RAMP3: variants seen among roughly 807,000 people sequenced by gnomAD.
The protein encoded by RAMP3 is receptor activity modifying protein 3.
In RAMP3, 14 loss-of-function variants were observed where a neutral mutation model predicts 13.5. The ratio of observed to expected loss-of-function variants is 1.04; its 90% CI spans 0.69 to 1.63. The LOEUF (loss-of-function observed/expected upper bound fraction) is 1.63. RAMP3 is among the 40% of genes most tolerant of loss of function. RAMP3 has a pLI of 0.00. For synonymous variants in RAMP3, 106 were observed against 88.3 expected (o/e 1.20, Z -1.12); for missense variants, 200 against 204.8 (o/e 0.98, Z 0.14).
intron 1 of RAMP3, among the ~76,000 whole-genome samples, chr7:45,171,280 T>A (rs1047512899): frequency 3.3e-5 from 5 of 151,986 alleles, no homozygotes; most frequent in Non-Finnish European, 5.9e-5. Flanking sequence ...CTCAGCCTCC[T>A]GAGTAGCTGG....
In RAMP3 at chr7:45,183,391, A is replaced by G. The variant is rs1256345509; in HGVS notation, c.426A>G (p.Lys142=). The G allele has an allele frequency of 6.2e-7, 1 of 1,612,798 alleles. No homozygotes were observed. Among genetic ancestry groups the G allele is most frequent in the African/African-American group, 1.3e-5 (1 of 75,046 alleles). ...AMAGLVVWRS[K]RTDTLL is the part of the protein sequence containing the mutation. Reference sequence around the variant, plus strand: ...CTGGCCTGGTGGTGTGGCGCAGCAAACGCACCGACACGCTGCTGTGAGGGT... The same window carrying G: ...CTGGCCTGGTGGTGTGGCGCAGCAAGCGCACCGACACGCTGCTGTGAGGGT... Residue 142 remains lysine, a synonymous_variant, in exon 3 of 3, where the codon AAA becomes AAG. Transcript: ENST00000242249.
chr7:45,180,355 C>T lies in RAMP3; in HGVS notation c.192-2802C>T, dbSNP rs1318215448. Among the ~76,000 whole-genome samples, 4 of 152,236 alleles carry T rather than the reference C, an allele frequency of 2.6e-5. No individual in the cohort carries two copies. In the East Asian group the frequency reaches 5.8e-4, roughly 22 times the overall value. ...AATGAAGGACACTCCTTTCTTTCCC[C>T]TGAATGTTCATTCTGCTTTGGTCCC... On this transcript the variant is annotated intron_variant, in intron 2 of 2. Coordinates refer to ENST00000242249, the MANE Select transcript of RAMP3 (RefSeq NM_005856.3).
chr7:45,163,717 GA>G, intron 1 of RAMP3: 2 of 985,250 alleles, frequency 2.0e-6, no homozygotes, highest in Non-Finnish European at 2.4e-6. Context: ...CAAAGGACCA[GA>G]AAGGTGAAGG....
rs1786348861 is a variant in RAMP3 at position 45,183,052 on chromosome 7, A to T, written c.192-105A>T. On this transcript the variant is annotated intron_variant, in intron 2 of 2. Transcript: ENST00000242249. ...GGCTGGGCTGTGAATAGGTGGCCAA[A>T]TGGGACTGTACCCAAGCCACCCCAC... 1.1e-5 allele frequency: 16 copies of T among 1,490,730 alleles called. No homozygotes were observed. The South Asian group carries it at 2.0e-4, about 18-fold the overall frequency. The allele number at this position is 1,490,730 out of a possible 1,614,324, so 92.3% of individuals were successfully genotyped here.
chr7:45,173,137 C>T (rs1294946), intron 1 of RAMP3, among the ~76,000 whole-genome samples: 75,119 of 152,078 alleles, frequency 0.49, 19,494 homozygotes, highest in Admixed American at 0.61. Flanking sequence ...CCTCTGGGTT[C>T]CACTCCATCT....
intron 1 of RAMP3, among the ~76,000 whole-genome samples, chr7:45,166,183 T>TG (rs1785957967): frequency 6.6e-6 from 1 of 152,068 alleles, no homozygotes. Flanking sequence ...CACTTTTTTT[T>TG]TTTTTTTCTG....
At chr7:45,170,273 T>C (rs1786054558) in intron 1 of RAMP3, among the ~76,000 whole-genome samples, 1 of 152,032 alleles carries the variant, frequency 6.6e-6, no homozygotes. Context: ...TGATCTTCTT[T>C]GTCTGGTGCC....
In RAMP3 at chr7:45,170,928, CT is replaced by C. The variant is rs576559180; in HGVS notation, c.59-6370del. ...CTAAGAGTGAGTCACCATGTCCAGC[CT>C]TTTTTTTTTTAATATAAGTTTTTAC... On this transcript the variant is annotated intron_variant, in intron 1 of 2. Coordinates refer to ENST00000242249, the MANE Select transcript of RAMP3 (RefSeq NM_005856.3). Among the ~76,000 whole-genome samples the C allele has an allele frequency of 3.6e-3, 529 of 144,972 alleles. 7 individuals carry two copies. Among genetic ancestry groups the C allele is most frequent in the African/African-American group, 0.01 (401 of 39,924 alleles).
chr7:45,183,073 C>A, intron 2 of RAMP3, 84 bp from the exon 3 acceptor site: 1 of 1,564,956 alleles, frequency 6.4e-7, no homozygotes, highest in Non-Finnish European at 8.6e-7. Flanking sequence ...CCCAAGCCAC[C>A]CCACCCATCT....
intron 1 of RAMP3, among the ~76,000 whole-genome samples, chr7:45,176,337 A>G (rs1327570660): frequency 6.6e-6 from 1 of 151,994 alleles, no homozygotes; most frequent in Non-Finnish European, 1.5e-5. Flanking sequence ...ACACATGCTC[A>G]TGTATGCATA....
intron 1 of RAMP3, among the ~76,000 whole-genome samples, chr7:45,164,976 T>A (rs1464477616): frequency 1.3e-5 from 2 of 152,248 alleles, no homozygotes; most frequent in Non-Finnish European, 2.9e-5. Context: ...TATGGTTAGA[T>A]TTAAATCTAC....
intron 1 of RAMP3, among the ~76,000 whole-genome samples, chr7:45,172,959 G>A (rs185994853): frequency 1.3e-5 from 2 of 152,334 alleles, no homozygotes; most frequent in African/African-American, 2.4e-5. Flanking sequence ...TCCCTGCTCA[G>A]TGCCAGGTCC....
At chr7:45,170,463 G>A (rs764809887) in intron 1 of RAMP3, among the ~76,000 whole-genome samples, 10 of 151,124 alleles carry the variant, frequency 6.6e-5, no homozygotes, top group Non-Finnish European at 5.9e-5. Flanking sequence ...TCAGCCTCTC[G>A]AGTAGCTAGG....
chr7:45,183,615 C>A lies in RAMP3; in HGVS notation c.*203C>A. On this transcript the variant is annotated 3_prime_UTR_variant, in exon 3 of 3. Transcript: ENST00000242249. Reference sequence around the variant, plus strand: ...CTGAGGCTCAGGCTATCCGCCCAAGCTCTTTGCTCATTCTAGGGCCAGTGG... The same window carrying A: ...CTGAGGCTCAGGCTATCCGCCCAAGATCTTTGCTCATTCTAGGGCCAGTGG... The A allele has an allele frequency of 1.4e-6, 1 of 703,610 alleles. No homozygotes were observed. The highest frequency in any genetic ancestry group is 2.8e-5 in the Admixed American group (1 of 35,446). The allele number at this position is 703,610 out of a possible 1,614,324, so 43.6% of individuals were successfully genotyped here. A position where few individuals can be genotyped will look rare whatever the true frequency, so the allele number is the denominator to read the frequency against.
intron 1 of RAMP3, among the ~76,000 whole-genome samples, chr7:45,160,943 C>T (rs1785855299): frequency 6.6e-6 from 1 of 152,232 alleles, no homozygotes; most frequent in South Asian, 2.1e-4. Context: ...GGGAGCCCCT[C>T]AAGCCTCATG....
intron 2 of RAMP3, among the ~76,000 whole-genome samples, chr7:45,178,351 C>A (rs190166025): frequency 6.6e-5 from 10 of 152,348 alleles, no homozygotes; most frequent in African/African-American, 2.2e-4. Flanking sequence ...CACTCCACCT[C>A]TGGCTTTGCA....
At chr7:45,162,889 C>T (rs2128655263) in intron 1 of RAMP3, among the ~76,000 whole-genome samples, 1 of 152,304 alleles carries the variant, frequency 6.6e-6, no homozygotes, top group South Asian at 2.1e-4. Context: ...CTCTTCCATC[C>T]CCCATGCCCT....
chr7:45,183,031 G>C, intron 2 of RAMP3, 126 bp from the exon 3 acceptor site: 1 of 1,316,810 alleles, frequency 7.6e-7, no homozygotes, highest in South Asian at 1.4e-5. Flanking sequence ...TTCCAAGGCT[G>C]GGCTGTGAAT....
chr7:45,183,122 C>T (rs367744438), intron 2 of RAMP3, 35 bp from the exon 3 acceptor site: 52 of 1,601,268 alleles, frequency 3.2e-5, no homozygotes, highest in Admixed American at 2.5e-4. Flanking sequence ...GGGGGGATGG[C>T]GAGAGCCTGG....
Sources: allele counts gnomAD v4.1 joint callset (sites outside exome capture counted in the v4.1 genomes callset), GRCh38; gene constraint gnomAD v4.1.1; transcripts MANE v1.5; gene names NCBI Gene and HGNC (gene_info 2026-07-23, HGNC 2026-07-21).